Variants in GATM observed in about 807,000 individuals in gnomAD.
GATM encodes glycine amidinotransferase, mitochondrial.
In GATM, 23 loss-of-function variants were observed where a neutral mutation model predicts 54.2. The observed-to-expected ratio is 0.42, with a 90% confidence interval of 0.31 to 0.60. GATM has a LOEUF of 0.60. Among genes scored for constraint, GATM ranks in the 20% least tolerant of loss-of-function variants. GATM has a pLI of 0.14. For missense variants in GATM, 401 were observed against 544.9 expected (o/e 0.74, Z 2.63); for synonymous variants, 168 against 183.1 (o/e 0.92, Z 0.67).
intron 3 of GATM, among the ~76,000 whole-genome samples, chr15:45,386,274 A>G (rs1473889298): frequency 2.0e-5 from 3 of 152,224 alleles, no homozygotes; most frequent in African/African-American, 4.8e-5. Flanking sequence ...AATAGTGACA[A>G]TCTTTGCGTG....
In GATM at chr15:45,378,522, C is replaced by A. The variant is rs1358762899; in HGVS notation, c.-69G>T. ...TGGGCCGCGTCGGTCCAAGCCTTCC[C>A]GAGAGCGCGCCCGGAGCGGGGTGGG... On this transcript the variant is annotated 5_prime_UTR_variant, in exon 1 of 9. Transcript: ENST00000396659. 2 of 1,250,694 alleles carry A rather than the reference C, an allele frequency of 1.6e-6. No individual in the cohort carries two copies. The highest frequency in any genetic ancestry group is 1.6e-5 in the African/African-American group (1 of 62,964). The allele number at this position is 1,250,694 out of a possible 1,614,324, so 77.5% of individuals were successfully genotyped here. A position where few individuals can be genotyped will look rare whatever the true frequency, so the allele number is the denominator to read the frequency against.
At chr15:45,392,375 G>A (rs1889882469) in intron 3 of GATM, among the ~76,000 whole-genome samples, 1 of 152,220 alleles carries the variant, frequency 6.6e-6, no homozygotes, top group Non-Finnish European at 1.5e-5. Flanking sequence ...GCACGTGCGT[G>A]TGCGTGCATG....
In GATM at chr15:45,363,992, T is replaced by C. The variant is rs1889406981; in HGVS notation, c.1067A>G (p.Lys356Arg). 6.2e-7 allele frequency: 1 copy of C among 1,609,944 alleles called. No homozygotes were observed. The highest frequency in any genetic ancestry group is 8.5e-7 in the Non-Finnish European group (1 of 1,176,596). Residue 356 changes from lysine (K) to arginine (R), a missense_variant, in exon 8 of 9, where the codon AAA (lysine) becomes AGA (arginine). Lys to Arg is a conservative substitution (Grantham distance 26, BLOSUM62 2). This residue lies in a region of GATM where 321 missense variants were observed against 457.5 expected (regional missense o/e 0.70). Coordinates refer to ENST00000396659, the MANE Select transcript of GATM (RefSeq NM_001482.3). ...PDDHPLWMSS[K>R]WLSMNVLMLD... ...CATTAAGACATTCATGGAAAGCCAT[T>C]TGGATGACATCCAGAGTGGATGATC...
At chr15:45,386,619 C>T (rs1889806856) in intron 3 of GATM, among the ~76,000 whole-genome samples, 1 of 152,186 alleles carries the variant, frequency 6.6e-6, no homozygotes, top group Admixed American at 6.5e-5. Flanking sequence ...TGCACTTTGC[C>T]CAGTTCTCAG....
intron 2 of GATM, among the ~76,000 whole-genome samples, chr15:45,370,238 T>C (rs971822508): frequency 6.6e-6 from 1 of 151,962 alleles, no homozygotes; most frequent in Non-Finnish European, 1.5e-5. Flanking sequence ...TAGCCAGGCA[T>C]GGTGGCACGT....
chr15:45,362,284 T>C, intron 8 of GATM, 63 bp from the exon 9 acceptor site: 6 of 1,012,676 alleles, frequency 5.9e-6, no homozygotes, highest in South Asian at 2.6e-5. Context: ...ATAGAGAAAG[T>C]AGGCCTACAG....
intron 1 of GATM, among the ~76,000 whole-genome samples, chr15:45,401,223 G>C (rs1200350537): frequency 6.6e-6 from 1 of 152,124 alleles, no homozygotes; most frequent in Non-Finnish European, 1.5e-5. Flanking sequence ...TGGACAGAAT[G>C]AGATCAGGAA....
intron 3 of GATM, among the ~76,000 whole-genome samples, chr15:45,393,300 GGAA>G (rs1397177133): frequency 6.6e-6 from 1 of 152,142 alleles, no homozygotes; most frequent in East Asian, 1.9e-4. Context: ...GGTTCAGAGT[GGAA>G]ACTTTGGAGC....
rs1889812528 is a variant in GATM at position 45,387,074 on chromosome 15, T to C, written c.-319+9848A>G. Among the ~76,000 whole-genome samples the C allele has an allele frequency of 2.0e-5, 3 of 152,188 alleles. No homozygotes were observed. The South Asian group carries it at 6.2e-4, about 32-fold the overall frequency. On this transcript the variant is annotated intron_variant, in intron 3 of 4. Transcript: ENST00000561148. Reference sequence around the variant, plus strand: ...AGGCTAAACTAGAAATATTCAGCTATAAGATGGAAATGGAATGACCTGTGA... The same window carrying C: ...AGGCTAAACTAGAAATATTCAGCTACAAGATGGAAATGGAATGACCTGTGA...
rs1225614382 is a variant in GATM, at chr15:45,377,574, C to A, written c.70-755G>T. On this transcript the variant is annotated intron_variant, in intron 1 of 8. Transcript: ENST00000396659. ...ATCTAGAGCAGGGAGGGTCCCTCAA[C>A]CCCTGAGCAAACCTCAACCCCCCAA... is the stretch of plus-strand genomic sequence containing the variant. 1.0e-5 allele frequency: 3 copies of A among 289,106 alleles called. No homozygotes were observed. The East Asian group carries it at 2.9e-4, about 28-fold the overall frequency. The allele number at this position is 289,106 out of a possible 1,614,324, so 17.9% of individuals were successfully genotyped here.
In GATM at chr15:45,378,513, A is replaced by C. The variant is rs1423568219; in HGVS notation, c.-60T>G. 2 of 1,296,616 alleles carry C rather than the reference A, an allele frequency of 1.5e-6. No homozygotes were observed. Among genetic ancestry groups the C allele is most frequent in the African/African-American group, 1.6e-5 (1 of 63,880 alleles). The allele number at this position is 1,296,616 out of a possible 1,614,324, so 80.3% of individuals were successfully genotyped here. A position where few individuals can be genotyped will look rare whatever the true frequency, so the allele number is the denominator to read the frequency against. ...CCTGGCCTCTGGGCCGCGTCGGTCCAAGCCTTCCCGAGAGCGCGCCCGGAG... is the reference window on the plus strand; with the variant it reads ...CCTGGCCTCTGGGCCGCGTCGGTCCCAGCCTTCCCGAGAGCGCGCCCGGAG... On this transcript the variant is annotated 5_prime_UTR_variant, in exon 1 of 9. Transcript: ENST00000396659.
chr15:45,370,505 A>T (rs892335043), intron 2 of GATM, among the ~76,000 whole-genome samples: 1 of 152,170 alleles, frequency 6.6e-6, no homozygotes, highest in African/African-American at 2.4e-5. Flanking sequence ...CCCTGTCAAT[A>T]TGCCTCATAC....
Position 45,362,073 on chromosome 15 carries a change from G to A in GATM, c.*36C>T. On this transcript the variant is annotated 3_prime_UTR_variant, in exon 9 of 9. Coordinates refer to ENST00000396659, the MANE Select transcript of GATM (RefSeq NM_001482.3). ...AACCTTGCCCCTAAGCTTCTTAGGTGTATCTGAGGCCAGCCACAAGCTCCA... is the reference window on the plus strand; with the variant it reads ...AACCTTGCCCCTAAGCTTCTTAGGTATATCTGAGGCCAGCCACAAGCTCCA... The A allele has an allele frequency of 7.9e-7, 1 of 1,265,116 alleles. No homozygotes were observed. Among genetic ancestry groups the A allele is most frequent in the Non-Finnish European group, 1.2e-6 (1 of 863,494 alleles). 78.4% of individuals were successfully genotyped at this position (1,265,116 alleles called of 1,614,324 possible).
intron 6 of GATM, among the ~76,000 whole-genome samples, chr15:45,365,532 G>C (rs1215618970): frequency 6.6e-6 from 1 of 152,218 alleles, no homozygotes; most frequent in Admixed American, 6.5e-5. Flanking sequence ...CACCTAACTG[G>C]AAGTAGGAGG....
chr15:45,364,349 C>A, intron 7 of GATM: 1 of 335,198 alleles, frequency 3.0e-6, no homozygotes, highest in Non-Finnish European at 5.6e-6. Flanking sequence ...CTGGGGAACA[C>A]AGCAAGACAT....
chr15:45,373,754 C>T (rs1437889816), intron 2 of GATM, among the ~76,000 whole-genome samples: 4 of 152,036 alleles, frequency 2.6e-5, no homozygotes, highest in East Asian at 3.8e-4. Flanking sequence ...TTCTCTACTA[C>T]GAGGCATGGC....
chr15:45,362,506 G>A (rs1889381009), intron 8 of GATM, among the ~76,000 whole-genome samples: 1 of 152,168 alleles, frequency 6.6e-6, no homozygotes. Flanking sequence ...AAATGGTCAA[G>A]TACTAAAATC....
chr15:45,397,617 C>G (rs1889948935), intron 2 of GATM, among the ~76,000 whole-genome samples: 1 of 152,196 alleles, frequency 6.6e-6, no homozygotes, highest in African/African-American at 2.4e-5. Flanking sequence ...CTTATTACAT[C>G]CTTTATTAAT....
upstream of GATM, chr15:45,378,728 C>T: frequency 2.8e-6 from 1 of 359,840 alleles, no homozygotes; most frequent in Non-Finnish European, 5.0e-6. Context: ...GCCAGCGGGG[C>T]CACTGACGGC....
Sources: allele counts gnomAD v4.1 joint callset (sites outside exome capture counted in the v4.1 genomes callset), GRCh38; gene constraint gnomAD v4.1.1; regional missense constraint gnomAD v4.1.1; transcripts MANE v1.5; gene names NCBI Gene and HGNC (gene_info 2026-07-23, HGNC 2026-07-21).